The following RBFOX1 variants were observed in gnomAD, a reference collection of about 807,000 sequenced individuals.
RBFOX1 encodes RNA binding protein fox-1 homolog 1.
RBFOX1 carries 8 observed loss-of-function variants against 57.7 expected under a neutral mutation model. The observed-to-expected ratio is 0.14, with a 90% CI of 0.08 to 0.25. The LOEUF (loss-of-function observed/expected upper bound fraction) is 0.25. Ranked by LOEUF, RBFOX1 falls within the 10% of genes least tolerant of loss-of-function variation. The pLI is 1.00. For synonymous variants in RBFOX1, 326 were observed against 222.4 expected (o/e 1.47, Z -4.15); for missense variants, 611 against 548.5 (o/e 1.11, Z -1.14).
intron 1 of RBFOX1, among the ~76,000 whole-genome samples, chr16:5,323,715 G>C (rs1435519823): frequency 6.6e-6 from 1 of 152,172 alleles, no homozygotes; most frequent in Non-Finnish European, 1.5e-5. Flanking sequence ...GATGAGCTCT[G>C]GCATTTCTTG....
intron 7 of RBFOX1, among the ~76,000 whole-genome samples, chr16:7,594,448 G>T (rs115660942): frequency 3.8e-4 from 58 of 152,192 alleles, no homozygotes; most frequent in African/African-American, 1.4e-3. Flanking sequence ...TCGAAAGGTT[G>T]GTGTATATTT....
chr16:5,975,385 C>T (rs1468385337), intron 4 of RBFOX1, among the ~76,000 whole-genome samples: 1 of 152,168 alleles, frequency 6.6e-6, no homozygotes, highest in Non-Finnish European at 1.5e-5. Flanking sequence ...TGTAATACAT[C>T]ACAGAGCTGG....
intron 4 of RBFOX1, among the ~76,000 whole-genome samples, chr16:7,223,240 G>C (rs978677795): frequency 5.3e-5 from 8 of 152,194 alleles, no homozygotes; most frequent in African/African-American, 1.9e-4. Context: ...AAGCATGAGA[G>C]GGTAAGACCT....
At chr16:6,505,621 A>G (rs1166091697) in intron 2 of RBFOX1, among the ~76,000 whole-genome samples, 2 of 152,200 alleles carry the variant, frequency 1.3e-5, no homozygotes, top group Admixed American at 6.5e-5. Flanking sequence ...TAAATAAGGT[A>G]TTGATTTAAT....
chr16:5,527,642 G>A (rs567788757), intron 2 of RBFOX1, among the ~76,000 whole-genome samples: 27 of 152,316 alleles, frequency 1.8e-4, no homozygotes, highest in African/African-American at 6.5e-4. Context: ...TCCCATTGGA[G>A]GGCAGGGTTT....
intron 1 of RBFOX1, among the ~76,000 whole-genome samples, chr16:5,282,213 C>A (rs1314311570): frequency 2.0e-5 from 3 of 152,190 alleles, no homozygotes; most frequent in African/African-American, 7.2e-5. Context: ...CTTGCCTCTC[C>A]TTGACTTCCG....
At chr16:7,682,731 A>T (rs2075085236) in intron 14 of RBFOX1, among the ~76,000 whole-genome samples, 1 of 151,472 alleles carries the variant, frequency 6.6e-6, no homozygotes, top group Non-Finnish European at 1.5e-5. Flanking sequence ...GGTTTTAGTT[A>T]GAACTCCAGG....
At chr16:5,824,112 G>A (rs1236925030) in intron 3 of RBFOX1, among the ~76,000 whole-genome samples, 1 of 152,226 alleles carries the variant, frequency 6.6e-6, no homozygotes, top group East Asian at 1.9e-4. Flanking sequence ...ACCTCTCTGG[G>A]CCTGGGAGCT....
In RBFOX1 at chr16:5,353,181, C is replaced by T. The variant is rs1035328270; in HGVS notation, c.219+113076C>T. ...CTGAGGTTAGGAGTTCAAGATCAGC[C>T]TGGCCAACATGGTGAAATCCCATCT... On this transcript the variant is annotated intron_variant, in intron 1 of 2. Transcript: ENST00000585867. Among the ~76,000 whole-genome samples, 3 of 152,020 alleles carry T rather than the reference C, an allele frequency of 2.0e-5. No homozygotes were observed. The South Asian group carries it at 6.2e-4, about 32-fold the overall frequency.
chr16:6,940,763 AGTGTGTGTGTGTGTGTGTGTGT>A (rs61349150), intron 3 of RBFOX1, among the ~76,000 whole-genome samples: 19,773 of 114,520 alleles, frequency 0.17, 1,686 homozygotes, highest in Middle Eastern at 0.31. Flanking sequence ...ATGTCCCGCT[AGTGTGTGTGTGTGTGTGTGTGT>A]GTGTGTGTGT....
intron 4 of RBFOX1, among the ~76,000 whole-genome samples, chr16:7,432,968 C>T (rs368686616): frequency 6.6e-6 from 1 of 152,222 alleles, no homozygotes; most frequent in Non-Finnish European, 1.5e-5. Flanking sequence ...GAAGACTTCT[C>T]TGCAGCTTCT....
intron 1 of RBFOX1, among the ~76,000 whole-genome samples, chr16:5,335,275 A>G (rs536304965): frequency 4.6e-5 from 7 of 152,180 alleles, no homozygotes; most frequent in Non-Finnish European, 1.0e-4. Flanking sequence ...TGGTTCATTC[A>G]TTGCATAAAG....
chr16:6,355,092 C>G (rs1330009204), intron 2 of RBFOX1, among the ~76,000 whole-genome samples: 1 of 152,160 alleles, frequency 6.6e-6, no homozygotes, highest in Non-Finnish European at 1.5e-5. Flanking sequence ...TCTCCAATAA[C>G]CCCTTCAAGG....
intron 1 of RBFOX1, among the ~76,000 whole-genome samples, chr16:5,255,504 C>G (rs1406765772): frequency 6.6e-6 from 1 of 151,514 alleles, no homozygotes; most frequent in African/African-American, 2.4e-5. Context: ...AACCATCTAT[C>G]CATCTACTTA....
intron 1 of RBFOX1, among the ~76,000 whole-genome samples, chr16:6,307,408 G>A (rs1411567575): frequency 6.6e-6 from 1 of 151,622 alleles, no homozygotes; most frequent in Non-Finnish European, 1.5e-5. Context: ...CATCATTATA[G>A]CTATTAATAT....
intron 3 of RBFOX1, among the ~76,000 whole-genome samples, chr16:5,648,976 A>G (rs1278309210): frequency 2.0e-5 from 3 of 151,914 alleles, no homozygotes. Flanking sequence ...AAGCTTGAGA[A>G]TCACTTGAAC....
rs551919648 is a variant in RBFOX1, at chr16:6,835,259, A to G, written c.-16+180609A>G. On this transcript the variant is annotated intron_variant, in intron 3 of 15. Transcript: ENST00000550418. ...GTGAGCGCTGTGGACTAAGATCCAC[A>G]AACACAGCTGCTATGCGGGTTCCCT... 8.5e-5 allele frequency among the ~76,000 whole-genome samples: 13 copies of G among 152,278 alleles called. No individual in the cohort carries two copies. The East Asian group carries it at 2.5e-3, about 29-fold the overall frequency.
intron 3 of RBFOX1, among the ~76,000 whole-genome samples, chr16:6,678,766 T>C (rs1295964376): frequency 2.0e-5 from 3 of 152,098 alleles, no homozygotes; most frequent in Non-Finnish European, 4.4e-5. Flanking sequence ...TACCACTGAC[T>C]TGAAGCTTTG....
At chr16:6,970,185 A>G (rs993778403) in intron 3 of RBFOX1, among the ~76,000 whole-genome samples, 4 of 152,030 alleles carry the variant, frequency 2.6e-5, no homozygotes, top group Admixed American at 1.3e-4. Context: ...GGGGAAAAAA[A>G]TAAAAAAGAA....
Sources: gnomAD v4.1 joint callset for allele counts (sites outside exome capture counted in the v4.1 genomes callset) on GRCh38, gnomAD v4.1.1 for gene constraint, MANE v1.5 for transcripts, NCBI Gene and HGNC (gene_info 2026-07-23, HGNC 2026-07-21) for gene names.